The following KAT2B variants were observed in gnomAD, a reference collection of about 807,000 sequenced individuals.
KAT2B encodes the protein histone acetyltransferase KAT2B.
KAT2B carries 36 observed loss-of-function variants against 105.9 expected under a neutral mutation model. The observed-to-expected ratio is 0.34, with a 90% CI of 0.26 to 0.45. The LOEUF is 0.45. KAT2B is among the 20% of genes least tolerant of loss of function. KAT2B has a pLI of 1.00. For synonymous variants in KAT2B, 397 were observed against 377.9 expected (o/e 1.05, Z -0.59); for missense variants, 820 against 1,021.6 (o/e 0.80, Z 2.69).
At position 20,114,912 on chromosome 3, in the gene KAT2B, T is replaced by C. The variant is rs1257784490; in HGVS notation, c.1074T>C (p.Tyr358=). ...KFLSMLEEEV[Y]SQNSPIWDQD... ...TGTCCATGCTAGAAGAAGAAGTATATAGTCAAAACTCTCCCATCTGGGATC... is the reference window on the plus strand; with the variant it reads ...TGTCCATGCTAGAAGAAGAAGTATACAGTCAAAACTCTCCCATCTGGGATC... Residue 358 remains tyrosine (Y), a synonymous_variant, in exon 7 of 18, where the codon TAT becomes TAC. Coordinates refer to ENST00000263754, the MANE Select transcript of KAT2B (RefSeq NM_003884.5). 6.2e-7 allele frequency: 1 copy of C among 1,610,546 alleles called. No individual in the cohort carries two copies. The highest frequency in any genetic ancestry group is 8.5e-7 in the Non-Finnish European group (1 of 1,176,930).
intron 8 of KAT2B, among the ~76,000 whole-genome samples, chr3:20,121,730 A>ATGTGTGTG (rs1491153005): frequency 1.7e-4 from 16 of 92,576 alleles, no homozygotes; most frequent in Non-Finnish European, 2.8e-4. Flanking sequence ...ACACATATGC[A>ATGTGTGTG]TATGTGTGTG....
intron 13 of KAT2B, 39 bp downstream of exon 13, chr3:20,140,403 C>G (rs748931526): frequency 6.2e-7 from 1 of 1,606,780 alleles, no homozygotes; most frequent in African/African-American, 1.3e-5. Context: ...CTGTACAGGC[C>G]AGTCTTAGCT....
At chr3:20,137,077 G>A (rs1462994750) in intron 12 of KAT2B, 25 bp downstream of exon 12, 2 of 1,095,074 alleles carry the variant, frequency 1.8e-6, no homozygotes, top group South Asian at 1.2e-5. Flanking sequence ...ACGCAACACT[G>A]TTTTGTCACT....
intron 1 of KAT2B, among the ~76,000 whole-genome samples, chr3:20,061,113 ACT>A (rs1307430834): frequency 1.3e-5 from 2 of 151,902 alleles, no homozygotes; most frequent in African/African-American, 4.8e-5. Flanking sequence ...CAAAACTGAA[ACT>A]CTGTGTTCAT....
At chr3:20,074,306 T>A (rs1290341129) in intron 2 of KAT2B, among the ~76,000 whole-genome samples, 1 of 152,192 alleles carries the variant, frequency 6.6e-6, no homozygotes, top group Non-Finnish European at 1.5e-5. Flanking sequence ...GATAGGAGGT[T>A]TTATAATTTA....
chr3:20,113,892 G>A (rs1451939061), intron 6 of KAT2B, among the ~76,000 whole-genome samples: 3 of 151,742 alleles, frequency 2.0e-5, no homozygotes, highest in African/African-American at 4.8e-5. Context: ...TTTTTAAGTT[G>A]TGTATCTATA....
chr3:20,152,267 C>T (rs187115541), intron 17 of KAT2B, 65 bp from the exon 18 acceptor site: 1 of 1,106,952 alleles, frequency 9.0e-7, no homozygotes, highest in East Asian at 2.4e-5. Flanking sequence ...CTTTCCCAGT[C>T]CCAGTTTTGT....
In KAT2B at chr3:20,060,452, T is replaced by G. The variant is rs994668881; in HGVS notation, c.304-11881T>G. On this transcript the variant is annotated intron_variant, in intron 1 of 17. Coordinates refer to ENST00000263754, the MANE Select transcript of KAT2B (RefSeq NM_003884.5). ...CCCTGTCTCTACTAAAAATACAAAA[T>G]TAGCTGGGCATGGTGGTGCATGCCT... 7.2e-5 allele frequency among the ~76,000 whole-genome samples: 11 copies of G among 152,138 alleles called. No homozygotes were observed. In the East Asian group the frequency reaches 1.5e-3, roughly 21 times the overall value.
chr3:20,086,423 A>G (rs1377834164), intron 2 of KAT2B, among the ~76,000 whole-genome samples: 2 of 152,130 alleles, frequency 1.3e-5, no homozygotes, highest in African/African-American at 4.8e-5. Flanking sequence ...ACATGGTGAA[A>G]CTTTGCGCCA....
chr3:20,095,279 C>T lies in KAT2B; in HGVS notation c.447C>T (p.His149=). ...CSHALAAHVS[H]LENVSEEEMN... ...TATCATAAGCTGCTCATGTTTCCCA[C>T]CTGGAGAATGTGTCAGAGGAAGAAA... The change falls in exon 3 of 18, where the codon CAC becomes CAT. Residue 149 remains histidine (H), a synonymous_variant. Coordinates refer to ENST00000263754, the MANE Select transcript of KAT2B (RefSeq NM_003884.5). 1.2e-6 allele frequency: 2 copies of T among 1,612,438 alleles called. No homozygotes were observed. The highest frequency in any genetic ancestry group is 2.2e-5 in the East Asian group (1 of 44,824).
At chr3:20,073,761 C>G (rs1002654941) in intron 2 of KAT2B, among the ~76,000 whole-genome samples, 7 of 152,198 alleles carry the variant, frequency 4.6e-5, no homozygotes, top group Admixed American at 3.3e-4. Context: ...ATCACTAACT[C>G]TGAATGGAGT....
At chr3:20,065,442 C>T (rs769145877) in intron 1 of KAT2B, among the ~76,000 whole-genome samples, 2 of 152,030 alleles carry the variant, frequency 1.3e-5, no homozygotes, top group South Asian at 2.1e-4. Context: ...CCTCTTATCT[C>T]GAAGAACAGT....
chr3:20,100,683 A>G (rs1698895009), intron 4 of KAT2B, among the ~76,000 whole-genome samples: 1 of 152,162 alleles, frequency 6.6e-6, no homozygotes, highest in African/African-American at 2.4e-5. Flanking sequence ...ATAAGAATTC[A>G]TTGCTCTTTT....
intron 2 of KAT2B, among the ~76,000 whole-genome samples, chr3:20,083,762 G>A (rs1039143836): frequency 2.6e-5 from 4 of 152,270 alleles, no homozygotes; most frequent in African/African-American, 9.6e-5. Context: ...AGTGGAGTCT[G>A]GTGGCTGGTA....
intron 17 of KAT2B, 197 bp downstream of exon 17, chr3:20,148,684 C>T (rs1699818469): frequency 2.0e-6 from 1 of 493,194 alleles, no homozygotes; most frequent in Non-Finnish European, 3.6e-6. Flanking sequence ...CATTCTGCAG[C>T]TGTCGTTTAG....
chr3:20,082,254 C>A (rs1227399738), intron 2 of KAT2B, among the ~76,000 whole-genome samples: 1 of 152,022 alleles, frequency 6.6e-6, no homozygotes, highest in Non-Finnish European at 1.5e-5. Flanking sequence ...AGGCTGGTCT[C>A]GAACTACTGA....
At chr3:20,099,441 A>G (rs1698869436) in intron 3 of KAT2B, among the ~76,000 whole-genome samples, 1 of 152,180 alleles carries the variant, frequency 6.6e-6, no homozygotes, top group Non-Finnish European at 1.5e-5. Flanking sequence ...CTAGAGCTTC[A>G]GCACACCTAT....
At chr3:20,069,268 T>G (rs1316958216) in intron 1 of KAT2B, among the ~76,000 whole-genome samples, 1 of 152,080 alleles carries the variant, frequency 6.6e-6, no homozygotes, top group Non-Finnish European at 1.5e-5. Context: ...GAAAAGGACC[T>G]TGAGCTGCTA....
At chr3:20,053,102 G>A (rs1056813204) in intron 1 of KAT2B, among the ~76,000 whole-genome samples, 5 of 152,224 alleles carry the variant, frequency 3.3e-5, no homozygotes, top group African/African-American at 1.2e-4. Context: ...GTTTCCCCTT[G>A]GTTCATGGCA....
Sources: gnomAD v4.1 joint callset for allele counts (sites outside exome capture counted in the v4.1 genomes callset) on GRCh38, gnomAD v4.1.1 for gene constraint, MANE v1.5 for transcripts, NCBI Gene and HGNC (gene_info 2026-07-23, HGNC 2026-07-21) for gene names.